The following RNGTT variants were observed in gnomAD, a reference collection of about 807,000 sequenced individuals.
RNGTT encodes mRNA-capping enzyme.
A neutral mutation model predicts 79.3 loss-of-function variants in RNGTT; 33 were observed. The observed-to-expected ratio is 0.42, with a 90% CI of 0.32 to 0.56. RNGTT has a LOEUF of 0.56. RNGTT is among the 20% of genes least tolerant of loss of function. RNGTT has a pLI of 0.17. For missense variants in RNGTT, 497 were observed against 739.1 expected (o/e 0.67, Z 3.80); for synonymous variants, 222 against 235.9 (o/e 0.94, Z 0.54).
At chr6:88,938,617 T>C (rs1340562558) in intron 2 of RNGTT, among the ~76,000 whole-genome samples, 1 of 152,224 alleles carries the variant, frequency 6.6e-6, no homozygotes, top group Non-Finnish European at 1.5e-5. Context: ...TCTTTCTCTC[T>C]TATTGTTTCA....
intron 13 of RNGTT, among the ~76,000 whole-genome samples, chr6:88,713,515 T>A (rs1446701107): frequency 1.3e-5 from 2 of 152,214 alleles, no homozygotes; most frequent in African/African-American, 4.8e-5. Flanking sequence ...AACAGTATTC[T>A]TTCACATGGT....
chr6:88,763,498 A>T (rs898112214), intron 13 of RNGTT, among the ~76,000 whole-genome samples: 1 of 152,152 alleles, frequency 6.6e-6, no homozygotes, highest in Non-Finnish European at 1.5e-5. Flanking sequence ...CAATCTCAAC[A>T]TCCATGTGTA....
Position 88,801,590 on chromosome 6 carries a change from C to G in RNGTT, c.1312G>C (p.Asp438His). The G allele has an allele frequency of 6.2e-7, 1 of 1,611,476 alleles. No individual in the cohort carries two copies. Among genetic ancestry groups the G allele is most frequent in the East Asian group, 2.2e-5 (1 of 44,618 alleles). ...CCAGTAGGCTGAAAAATAAGTCCATCCATTTCATGGCTCACTTCTTTGGCA... is the reference window on the plus strand; with the variant it reads ...CCAGTAGGCTGAAAAATAAGTCCATGCATTTCATGGCTCACTTCTTTGGCA... ...NFAKEVSHEM[D>H]GLIFQPTGKY... is the part of the protein sequence containing the mutation. Residue 438 changes from aspartate (D) to histidine (H), a missense_variant, in exon 12 of 16, where the codon GAT (aspartate) becomes CAT (histidine). By Grantham distance (81) the Asp-to-His change is moderately conservative (BLOSUM62 -1). This residue lies in a region of RNGTT where 440 missense variants were observed against 671.5 expected (regional missense o/e 0.66). Transcript: ENST00000369485.
intron 13 of RNGTT, among the ~76,000 whole-genome samples, chr6:88,764,259 C>G (rs1264501654): frequency 1.3e-5 from 2 of 152,194 alleles, no homozygotes; most frequent in Non-Finnish European, 2.9e-5. Flanking sequence ...TAAATTCATT[C>G]TGTTAAAATA....
At chr6:88,805,576 G>T (rs1288189417) in intron 11 of RNGTT, among the ~76,000 whole-genome samples, 1 of 152,174 alleles carries the variant, frequency 6.6e-6, no homozygotes, top group Non-Finnish European at 1.5e-5. Context: ...AAAGCAGAAA[G>T]ACTTGGTCCT....
chr6:88,762,705 T>C (rs935796374), intron 13 of RNGTT, among the ~76,000 whole-genome samples: 3 of 152,308 alleles, frequency 2.0e-5, no homozygotes, highest in Non-Finnish European at 4.4e-5. Context: ...GTATTTATTA[T>C]GTAACATGCA....
At chr6:88,874,220 A>T (rs1782444323) in intron 8 of RNGTT, among the ~76,000 whole-genome samples, 3 of 152,156 alleles carry the variant, frequency 2.0e-5, no homozygotes, top group Non-Finnish European at 4.4e-5. Flanking sequence ...TATGTAAAAT[A>T]CAGCATTCTT....
chr6:88,697,954 GAT>G lies in RNGTT; in HGVS notation c.1440-19537_1440-19536del, dbSNP rs59836206. On this transcript the variant is annotated intron_variant, in intron 13 of 15. Transcript: ENST00000369485. ...ATATATATATGAAATACATATATAT[GAT>G]ATATATATATGAAATACATATATAT... Among the ~76,000 whole-genome samples the G allele has an allele frequency of 2.2e-3, 170 of 77,632 alleles. 2 individuals are homozygous for G. The highest frequency in any genetic ancestry group is 9.1e-3 in the African/African-American group (59 of 6,518). The allele number at this position is 77,632 out of a possible 152,430, so 50.9% of individuals were successfully genotyped here. A position where few individuals can be genotyped will look rare whatever the true frequency, so the allele number is the denominator to read the frequency against.
At chr6:88,818,002 G>A (rs144096924) in intron 11 of RNGTT, among the ~76,000 whole-genome samples, 2,909 of 151,372 alleles carry the variant, frequency 0.019, 84 homozygotes, top group African/African-American at 0.067. Context: ...CTCGTGATCC[G>A]CCCGTCTCGG....
intron 13 of RNGTT, among the ~76,000 whole-genome samples, chr6:88,679,110 C>T (rs766169570): frequency 2.5e-4 from 38 of 152,122 alleles, no homozygotes; most frequent in Admixed American, 1.8e-3. Flanking sequence ...TGCACCACCA[C>T]TATGCACTGT....
intron 1 of RNGTT, among the ~76,000 whole-genome samples, chr6:88,957,477 C>T (rs1785473765): frequency 6.6e-6 from 1 of 152,180 alleles, no homozygotes; most frequent in South Asian, 2.1e-4. Context: ...ACCCTAAAGA[C>T]TCATCCAAAA....
intron 2 of RNGTT, among the ~76,000 whole-genome samples, chr6:88,937,719 T>A (rs1784712673): frequency 6.6e-6 from 1 of 152,202 alleles, no homozygotes; most frequent in Non-Finnish European, 1.5e-5. Context: ...TTGCTGTACT[T>A]CTTAGGTTTT....
At chr6:88,697,438 C>T (rs1320650459) in intron 13 of RNGTT, among the ~76,000 whole-genome samples, 2 of 151,998 alleles carry the variant, frequency 1.3e-5, no homozygotes, top group Admixed American at 6.6e-5. Flanking sequence ...ATAGTCCCAG[C>T]TGCTCAGGAG....
chr6:88,847,255 T>C (rs1391496259), intron 10 of RNGTT, among the ~76,000 whole-genome samples: 3 of 152,134 alleles, frequency 2.0e-5, no homozygotes, highest in Non-Finnish European at 4.4e-5. Context: ...TACACTAGCA[T>C]GTGAATTCTT....
At chr6:88,822,448 A>T (rs1219170576) in intron 11 of RNGTT, among the ~76,000 whole-genome samples, 14 of 152,226 alleles carry the variant, frequency 9.2e-5, no homozygotes, top group Non-Finnish European at 1.9e-4. Context: ...TATGTTTTTC[A>T]AAGACTTTCC....
chr6:88,672,971 A>G (rs1168489328), intron 14 of RNGTT, among the ~76,000 whole-genome samples: 4 of 152,220 alleles, frequency 2.6e-5, no homozygotes, highest in African/African-American at 9.6e-5. Context: ...ACTTATTGGC[A>G]TGCTATAGCA....
intron 8 of RNGTT, among the ~76,000 whole-genome samples, chr6:88,865,304 GTAC>G (rs1180684415): frequency 6.6e-6 from 1 of 151,922 alleles, no homozygotes; most frequent in Non-Finnish European, 1.5e-5. Flanking sequence ...GCTGCTACTA[GTAC>G]TACTTTACAC....
intron 13 of RNGTT, among the ~76,000 whole-genome samples, chr6:88,725,900 G>A (rs1167433689): frequency 6.6e-6 from 1 of 151,902 alleles, no homozygotes; most frequent in Non-Finnish European, 1.5e-5. Flanking sequence ...AGAGAAACTG[G>A]GAGAGGAAAT....
intron 6 of RNGTT, among the ~76,000 whole-genome samples, chr6:88,901,749 C>T (rs1022947625): frequency 2.0e-5 from 3 of 151,868 alleles, no homozygotes; most frequent in African/African-American, 7.3e-5. Context: ...CCTCGTGATT[C>T]GCCCGCCTCA....
Sources: allele counts gnomAD v4.1 joint callset (sites outside exome capture counted in the v4.1 genomes callset), GRCh38; gene constraint gnomAD v4.1.1; regional missense constraint gnomAD v4.1.1; transcripts MANE v1.5; gene names NCBI Gene and HGNC (gene_info 2026-07-23, HGNC 2026-07-21).